Variants in RBPMS observed in about 807,000 individuals in gnomAD.
The protein encoded by RBPMS is RNA binding protein, mRNA processing factor.
A neutral mutation model predicts 26.8 loss-of-function variants in RBPMS; 7 were observed. The observed-to-expected ratio is 0.26, with a 90% confidence interval of 0.15 to 0.49. The LOEUF is 0.49. Among genes scored for constraint, RBPMS ranks in the 20% least tolerant of loss-of-function variants. The pLI, the probability that RBPMS is intolerant of heterozygous loss-of-function variation, is 0.98. For synonymous variants in RBPMS, 96 were observed against 93.3 expected (o/e 1.03, Z -0.17); for missense variants, 186 against 250.0 (o/e 0.74, Z 1.73).
rs908086740 is a variant in RBPMS, at chr8:30,553,041, G to C, written c.529-5846G>C. On this transcript the variant is annotated intron_variant, in intron 6 of 8. Transcript: ENST00000397323. Reference sequence around the variant, plus strand: ...CTTTTCCAGCTGTTGGGGCAGGTGAGATGGCAGCCTTAACCAAGGACCAAG... The same window carrying C: ...CTTTTCCAGCTGTTGGGGCAGGTGACATGGCAGCCTTAACCAAGGACCAAG... 2.0e-5 allele frequency: 3 copies of C among 152,286 alleles called. No individual in the cohort carries two copies. In the South Asian group the frequency reaches 6.2e-4, roughly 32 times the overall value. The allele number at this position is 152,286 out of a possible 1,614,324, so 9.4% of individuals were successfully genotyped here.
At position 30,555,984 on chromosome 8, in the gene RBPMS, C is replaced by T. The variant is rs1017865468; in HGVS notation, c.529-2903C>T. 3 of 985,326 alleles carry T rather than the reference C, an allele frequency of 3.0e-6. No homozygotes were observed. In the African/African-American group the frequency reaches 5.2e-5, roughly 17 times the overall value. The allele number at this position is 985,326 out of a possible 1,614,324, so 61.0% of individuals were successfully genotyped here. A position where few individuals can be genotyped will look rare whatever the true frequency, so the allele number is the denominator to read the frequency against. On this transcript the variant is annotated intron_variant, in intron 6 of 8. Transcript: ENST00000397323. ...GCTCTGCCGGCTGTGGTGCGGGAACCTGGATGAGCCGCTCAGACTTGGCCA... is the reference window on the plus strand; with the variant it reads ...GCTCTGCCGGCTGTGGTGCGGGAACTTGGATGAGCCGCTCAGACTTGGCCA...
rs575936467 is a variant in RBPMS at position 30,562,717 on chromosome 8, G to T, written c.*8-3540G>T. ...AAATGAAAGGCGCATACCATTCATT[G>T]GCAGAGGCCCACATGGCTCTCTCCG... On this transcript the variant is annotated intron_variant, in intron 7 of 8. Transcript: ENST00000397323. Among the ~76,000 whole-genome samples, 42 of 152,310 alleles carry T rather than the reference G, an allele frequency of 2.8e-4. No homozygotes were observed. The East Asian group carries it at 8.1e-3, about 29-fold the overall frequency.
At chr8:30,414,596 C>A (rs1401806783) in intron 1 of RBPMS, among the ~76,000 whole-genome samples, 1 of 152,160 alleles carries the variant, frequency 6.6e-6, no homozygotes, top group Admixed American at 6.5e-5. Flanking sequence ...CGTCACCAGA[C>A]CCAGAAAACA....
At chr8:30,419,628 A>G (rs1471325481) in intron 1 of RBPMS, among the ~76,000 whole-genome samples, 14 of 152,170 alleles carry the variant, frequency 9.2e-5, no homozygotes, top group Admixed American at 9.2e-4. Context: ...CTTGGTTTTC[A>G]TGCACATGAG....
At chr8:30,432,160 T>A (rs1812012736) in intron 1 of RBPMS, among the ~76,000 whole-genome samples, 1 of 152,116 alleles carries the variant, frequency 6.6e-6, no homozygotes, top group African/African-American at 2.4e-5. Flanking sequence ...ATTTTGACAT[T>A]TCAAAGACTT....
At chr8:30,413,441 G>A (rs1809685087) in intron 1 of RBPMS, among the ~76,000 whole-genome samples, 1 of 151,930 alleles carries the variant, frequency 6.6e-6, no homozygotes, top group Admixed American at 6.6e-5. Context: ...GATCCCTTGA[G>A]GTCAAGTAAA....
At chr8:30,422,811 T>A (rs2150629904) in intron 1 of RBPMS, among the ~76,000 whole-genome samples, 1 of 152,348 alleles carries the variant, frequency 6.6e-6, no homozygotes, top group South Asian at 2.1e-4. Context: ...ACAAATGCAC[T>A]TTTAAAACAA....
At chr8:30,388,205 A>G (rs1369384062) in intron 1 of RBPMS, among the ~76,000 whole-genome samples, 2 of 152,012 alleles carry the variant, frequency 1.3e-5, no homozygotes, top group East Asian at 3.9e-4. Flanking sequence ...GTTTGTTTAT[A>G]TATGTTTAGA....
intron 4 of RBPMS, among the ~76,000 whole-genome samples, chr8:30,501,640 A>G (rs2150923808): frequency 6.6e-6 from 1 of 152,314 alleles, no homozygotes; most frequent in Non-Finnish European, 1.5e-5. Flanking sequence ...TTTCTGGTCC[A>G]TGTAATAAAT....
rs1447875652 is a variant in RBPMS, at chr8:30,474,928, G to A, written c.144+72G>A. 3.1e-6 allele frequency: 3 copies of A among 958,676 alleles called. No homozygotes were observed. In the African/African-American group the frequency reaches 4.9e-5, roughly 16 times the overall value. 59.4% of individuals were successfully genotyped at this position (958,676 alleles called of 1,614,324 possible). A position where few individuals can be genotyped will look rare whatever the true frequency, so the allele number is the denominator to read the frequency against. On this transcript the variant is annotated intron_variant, in intron 2 of 8. Coordinates refer to ENST00000397323, the MANE Select transcript of RBPMS (RefSeq NM_001008710.3). Reference sequence around the variant, plus strand: ...GTATGCTTTCTGGGAGCTTTTTGAAGCAAGAAATGAAATATTTGAGAAGAA... The same window carrying A: ...GTATGCTTTCTGGGAGCTTTTTGAAACAAGAAATGAAATATTTGAGAAGAA...
intron 1 of RBPMS, among the ~76,000 whole-genome samples, chr8:30,448,767 G>T (rs1814178211): frequency 6.6e-6 from 1 of 152,202 alleles, no homozygotes; most frequent in Admixed American, 6.5e-5. Flanking sequence ...AGTGGCGACA[G>T]AAATAGAATG....
intron 1 of RBPMS, among the ~76,000 whole-genome samples, chr8:30,409,920 C>A (rs567723650): frequency 1.3e-5 from 2 of 152,212 alleles, no homozygotes; most frequent in South Asian, 4.1e-4. Context: ...CGTGAGCCAC[C>A]GCACCCAGCC....
intron 1 of RBPMS, among the ~76,000 whole-genome samples, chr8:30,391,471 AAACTT>A (rs1189238105): frequency 5.4e-4 from 82 of 152,298 alleles, no homozygotes; most frequent in African/African-American, 1.9e-3. Flanking sequence ...TCAAAGAAAA[AAACTT>A]AGGAAGGAAT....
chr8:30,481,164 A>G (rs761437346), intron 4 of RBPMS, among the ~76,000 whole-genome samples: 1 of 152,180 alleles, frequency 6.6e-6, no homozygotes, highest in Non-Finnish European at 1.5e-5. Flanking sequence ...GTGTTGCTGT[A>G]TTGCCCAGGC....
intron 7 of RBPMS, chr8:30,564,413 A>G (rs1353643635): frequency 2.0e-5 from 3 of 152,198 alleles, no homozygotes; most frequent in South Asian, 2.1e-4. Context: ...AATTCTTTCC[A>G]GCTCTGGAGT....
chr8:30,435,961 T>G (rs1812411115), intron 1 of RBPMS, among the ~76,000 whole-genome samples: 1 of 152,176 alleles, frequency 6.6e-6, no homozygotes, highest in South Asian at 2.1e-4. Flanking sequence ...TGTGAGCCAC[T>G]GTGCCTGGCC....
chr8:30,447,116 C>T (rs988505446), intron 1 of RBPMS: 18 of 152,120 alleles, frequency 1.2e-4, no homozygotes, highest in Admixed American at 7.9e-4. Flanking sequence ...CTGTCCACAC[C>T]ATAGGCCAGA....
chr8:30,413,995 G>C (rs1809764677), intron 1 of RBPMS, among the ~76,000 whole-genome samples: 1 of 152,224 alleles, frequency 6.6e-6, no homozygotes, highest in Non-Finnish European at 1.5e-5. Context: ...GCCCACCTCA[G>C]CCTCCCAAAG....
intron 6 of RBPMS, among the ~76,000 whole-genome samples, chr8:30,548,523 CTGCTGT>C (rs1826043666): frequency 6.6e-6 from 1 of 152,218 alleles, no homozygotes; most frequent in African/African-American, 2.4e-5. Context: ...TCTAATAGGG[CTGCTGT>C]ACAGCTTACC....
Sources: gnomAD v4.1 joint callset for allele counts (sites outside exome capture counted in the v4.1 genomes callset) on GRCh38, gnomAD v4.1.1 for gene constraint, MANE v1.5 for transcripts, NCBI Gene and HGNC (gene_info 2026-07-23, HGNC 2026-07-21) for gene names.